NFATC4: variants seen among roughly 807,000 people sequenced by gnomAD.
The protein encoded by NFATC4 is nuclear factor of activated T cells 4, also known as nuclear factor of activated T-cells, cytoplasmic 4.
A neutral mutation model predicts 73.4 loss-of-function variants in NFATC4; 25 were observed. The ratio of observed to expected loss-of-function variants is 0.34; its 90% CI spans 0.25 to 0.48. The LOEUF (loss-of-function observed/expected upper bound fraction) is 0.48, where lower values mean the gene tolerates loss of function less well. NFATC4 is among the 20% of genes least tolerant of loss of function. NFATC4 has a pLI of 0.99. For synonymous variants in NFATC4, 523 were observed against 510.3 expected, an observed-to-expected ratio of 1.02 and a Z score of -0.34; for missense variants, 1,130 against 1,203.7, an observed-to-expected ratio of 0.94 and a Z score of 0.91.
rs1430857355 is a variant in NFATC4 at position 24,369,816 on chromosome 14, G to T, written c.418G>T (p.Asp140Tyr). 4.4e-6 allele frequency: 7 copies of T among 1,599,348 alleles called. No individual in the cohort carries two copies. Among genetic ancestry groups the T allele is most frequent in the Admixed American group, 1.7e-5 (1 of 57,520 alleles). ...GGAGGACAACCCTGATGCCTGGGGG[G>T]ACGGCTCTCCTAGAGATTACCCCCC... The part of the protein sequence containing the change: ...ALEDNPDAWG[D>Y]GSPRDYPPPE... The change falls in exon 2 of 10, where the codon GAC (aspartate) becomes TAC (tyrosine). Residue 140 changes from aspartate to tyrosine, a missense_variant. Asp to Tyr is a radical substitution (Grantham distance 160). Around this residue, in one of 3 missense-constraint regions of NFATC4, gnomAD observed 585 missense variants for 574.3 expected, o/e 1.02. Transcript: ENST00000250373.
In NFATC4 at chr14:24,369,555, C is replaced by T. The variant is rs2042407956; in HGVS notation, c.157C>T (p.Pro53Ser). 2 of 1,610,934 alleles carry T rather than the reference C, an allele frequency of 1.2e-6. No homozygotes were observed. The highest frequency in any genetic ancestry group is 1.7e-6 in the Non-Finnish European group (2 of 1,177,938). ...CCGTCTGGCCTTGGGAGAGCCCCCT[C>T]CCTATGGCGCTGCACCTATCGGTAT... The part of the protein sequence containing the change: ...CCRLALGEPP[P>S]YGAAPIGIPR... Residue 53 changes from proline to serine, a missense_variant, in exon 2 of 10, where the codon CCC becomes TCC. Physicochemically the swap from Pro to Ser is moderately conservative, Grantham distance 74. Coordinates refer to ENST00000250373, the MANE Select transcript of NFATC4 (RefSeq NM_004554.5).
intron 6 of NFATC4, among the ~76,000 whole-genome samples, 178 bp from the exon 7 acceptor site, chr14:24,375,482 T>A (rs971389190): frequency 1.3e-5 from 2 of 152,184 alleles, no homozygotes; most frequent in African/African-American, 4.8e-5. Flanking sequence ...AGGACAGTTT[T>A]AAACCCTACC....
rs1043106392 is a variant in NFATC4 at position 24,369,760 on chromosome 14, T to C, written c.362T>C (p.Ile121Thr). 2.5e-6 allele frequency: 4 copies of C among 1,601,936 alleles called. No individual in the cohort carries two copies. Among genetic ancestry groups the C allele is most frequent in the Admixed American group, 1.7e-5 (1 of 57,814 alleles). Reference sequence around the variant, plus strand: ...TGTCCCAGCATCCGCATCACCTCCATCTCTCCCACGCCGGAGCCGCCAGCA... The same window carrying C: ...TGTCCCAGCATCCGCATCACCTCCACCTCTCCCACGCCGGAGCCGCCAGCA... ...LECPSIRITSISPTPEPPAAL... is the reference protein window; with the variant it reads ...LECPSIRITSTSPTPEPPAAL... The change falls in exon 2 of 10, where the codon ATC (isoleucine) becomes ACC (threonine). Residue 121 changes from isoleucine (I) to threonine (T), a missense_variant. Physicochemically the swap from Ile to Thr is moderately conservative, Grantham distance 89. Transcript: ENST00000250373.
chr14:24,376,721 C>A lies in NFATC4; in HGVS notation c.2484C>A (p.Ser828=), dbSNP rs1439279067. Residue 828 remains serine (S), a synonymous_variant, in exon 9 of 10, where the codon TCC becomes TCA. Transcript: ENST00000250373. The surrounding 1 kb of genome is among the most constrained non-coding windows in gnomAD (Gnocchi z 5.0). ...CACCGCTTGAAGGCCCCTTCCCTTC[C>A]CAGAGTGATGTGCATCCCCTACCTG... ...ASPPLEGPFP[S]QSDVHPLPAE... 1 of 1,613,952 alleles carries A rather than the reference C, an allele frequency of 6.2e-7. No homozygotes were observed. The highest frequency in any genetic ancestry group is 1.1e-5 in the South Asian group (1 of 91,082).
intron 1 of NFATC4, chr14:24,369,101 G>T (rs1404741447): frequency 9.8e-6 from 14 of 1,424,842 alleles, no homozygotes; most frequent in Non-Finnish European, 1.3e-5. Flanking sequence ...ATGGCAACTG[G>T]GGCTCCTGCC....
At chr14:24,374,096 C>G in intron 5 of NFATC4, 2 of 890,182 alleles carry the variant, frequency 2.2e-6, no homozygotes, top group Non-Finnish European at 3.6e-6. Flanking sequence ...GCCCTGTGCC[C>G]TTGTTTGGGA....
At chr14:24,374,998 C>T (rs1204989505) in intron 6 of NFATC4, among the ~76,000 whole-genome samples, 1 of 152,042 alleles carries the variant, frequency 6.6e-6, no homozygotes, top group African/African-American at 2.4e-5. Context: ...ACTTTGTCAC[C>T]CAGGGGAGTG....
chr14:24,367,452 G>A, upstream of NFATC4: 2 of 1,535,688 alleles, frequency 1.3e-6, no homozygotes, highest in African/African-American at 2.7e-5. Flanking sequence ...AAGGGCAGCG[G>A]CAAAGCCTGG....
In NFATC4 at chr14:24,376,662, G is replaced by A. The variant is rs2139312798; in HGVS notation, c.2425G>A (p.Ala809Thr). The A allele has an allele frequency of 6.2e-7, 1 of 1,613,364 alleles. No homozygotes were observed. The highest frequency in any genetic ancestry group is 8.5e-7 in the Non-Finnish European group (1 of 1,179,790). The change falls in exon 9 of 10, where the codon GCC (alanine) becomes ACC (threonine). Residue 809 changes from alanine (A) to threonine (T), a missense_variant. Transcript: ENST00000250373. The surrounding 1 kb of genome is among the most constrained non-coding windows in gnomAD (Gnocchi z 5.0). ...CCTGGGGCTGCCATTCTCTCCGCCA[G>A]CCCCCTTTCGGCCGCCTCCTCTTCC... is the stretch of plus-strand genomic sequence containing the variant. ...FSLGLPFSPP[A>T]PFRPPPLPAS...
intron 3 of NFATC4, 196 bp from the exon 4 acceptor site, chr14:24,372,975 T>A: frequency 1.5e-6 from 1 of 645,592 alleles, no homozygotes; most frequent in East Asian, 2.8e-5. Flanking sequence ...CACTTTGGGC[T>A]TTATTCCAAG....
intron 2 of NFATC4, 200 bp from the exon 3 acceptor site, chr14:24,372,241 G>A (rs2042491605): frequency 1.7e-6 from 1 of 601,364 alleles, no homozygotes; most frequent in African/African-American, 1.9e-5. Context: ...TGGACTTTTG[G>A]ATTTCTTCAT....
In NFATC4 at chr14:24,368,407, G is replaced by GC. The variant is rs778613456; in HGVS notation, c.74dup (p.Leu26AlafsTer111). The GC allele has an allele frequency of 2.2e-5, 30 of 1,349,412 alleles. No homozygotes were observed. The highest frequency in any genetic ancestry group is 8.5e-5 in the South Asian group (4 of 47,314). 83.6% of individuals were successfully genotyped at this position (1,349,412 alleles called of 1,614,324 possible). On this transcript the variant is annotated frameshift_variant, in exon 1 of 10. Coordinates refer to ENST00000250373, the MANE Select transcript of NFATC4 (RefSeq NM_004554.5). LOFTEE classifies it high-confidence loss of function. The stretch of plus-strand genomic sequence containing the variant: ...GCTGGTGTTCGGGGAGGAAAAGGAG[G>GC]CCCCCCCGCTGGGCGCGGGGGGATT...
At chr14:24,367,601 C>G (rs1366726808), upstream of NFATC4, 1 of 1,536,018 alleles carries the variant, frequency 6.5e-7, no homozygotes, top group Non-Finnish European at 8.7e-7. Flanking sequence ...CTGATGGAGG[C>G]GCTGATTCGG....
chr14:24,369,890 G>T lies in NFATC4; in HGVS notation c.492G>T (p.Gly164=), dbSNP rs1489753670. 2 of 1,611,478 alleles carry T rather than the reference G, an allele frequency of 1.2e-6. No homozygotes were observed. The highest frequency in any genetic ancestry group is 1.7e-5 in the Admixed American group (1 of 59,948). Residue 164 remains glycine, a synonymous_variant, in exon 2 of 10, where the codon GGG becomes GGT. Coordinates refer to ENST00000250373, the MANE Select transcript of NFATC4 (RefSeq NM_004554.5). Reference sequence around the variant, plus strand: ...GAGAAGCAGGGGGCCAGGGTGGGGGGGCCTTCTTCAGCCCAAGCCCTGGCA... The same window carrying T: ...GAGAAGCAGGGGGCCAGGGTGGGGGTGCCTTCTTCAGCCCAAGCCCTGGCA... ...GYREAGGQGG[G]AFFSPSPGSS... is the part of the protein sequence containing the mutation.
chr14:24,372,534 G>A lies in NFATC4; in HGVS notation c.1290G>A (p.Arg430=). The A allele has an allele frequency of 6.2e-7, 1 of 1,614,060 alleles. No homozygotes were observed. The highest frequency in any genetic ancestry group is 1.1e-5 in the South Asian group (1 of 91,080). The change falls in exon 3 of 10, where the codon CGG becomes CGA. Residue 430 remains arginine, a synonymous_variant. Transcript: ENST00000250373. The stretch of plus-strand genomic sequence containing the variant: ...AGGTACAGCCTAGAGCCCACCACCG[G>A]GCCCACTATGAGACAGAAGGCAGCC... The part of the protein sequence containing the change: ...RIEVQPRAHH[R]AHYETEGSRG...
upstream of NFATC4, chr14:24,367,919 G>A (rs1221687841): frequency 1.6e-6 from 2 of 1,288,126 alleles, no homozygotes; most frequent in African/African-American, 1.5e-5. Flanking sequence ...GGCTCTCTGC[G>A]GGAAATGATT....
chr14:24,377,323 C>G lies in NFATC4; in HGVS notation c.2642-315C>G, dbSNP rs1330039764. 4 of 1,271,136 alleles carry G rather than the reference C, an allele frequency of 3.1e-6. No homozygotes were observed. The highest frequency in any genetic ancestry group is 4.0e-6 in the Non-Finnish European group (4 of 1,008,400). The allele number at this position is 1,271,136 out of a possible 1,614,324, so 78.7% of individuals were successfully genotyped here. On this transcript the variant is annotated intron_variant, in intron 9 of 9. Transcript: ENST00000250373. The surrounding 1 kb of genome is among the most constrained non-coding windows in gnomAD (Gnocchi z 4.2). ...GTGAGGAGGAGCTTTCCTGTTTTGCCTCTCCTTCTTCCCATTGGCTACACC... is the reference window on the plus strand; with the variant it reads ...GTGAGGAGGAGCTTTCCTGTTTTGCGTCTCCTTCTTCCCATTGGCTACACC...
At position 24,374,400 on chromosome 14, in the gene NFATC4, G is replaced by C; in HGVS notation, c.1807G>C (p.Glu603Gln). The change falls in exon 6 of 10, where the codon GAA becomes CAA. Residue 603 changes from glutamate (E) to glutamine (Q), a missense_variant. Physicochemically the swap from Glu to Gln is conservative, Grantham distance 29. This residue lies in a region of NFATC4 where 390 missense variants were observed against 408.1 expected (regional missense o/e 0.96). Coordinates refer to ENST00000250373, the MANE Select transcript of NFATC4 (RefSeq NM_004554.5). ...PSACSVRGGEELVLTGSNFLP... is the reference protein window; with the variant it reads ...PSACSVRGGEQLVLTGSNFLP... ...TGCCTGCTCTGTGAGAGGAGGCGAG[G>C]AACTGGTACTGACTGGCTCCAACTT... 6.2e-7 allele frequency: 1 copy of C among 1,614,092 alleles called. No homozygotes were observed. Among genetic ancestry groups the C allele is most frequent in the African/African-American group, 1.3e-5 (1 of 75,062 alleles).
At chr14:24,374,777 C>T (rs2042567346) in intron 6 of NFATC4, 3 of 212,304 alleles carry the variant, frequency 1.4e-5, no homozygotes, top group Admixed American at 5.4e-5. Flanking sequence ...AGGTGATTTA[C>T]ACCCTCACAG....
Sources: allele counts gnomAD v4.1 joint callset (sites outside exome capture counted in the v4.1 genomes callset), GRCh38; gene constraint gnomAD v4.1.1; regional missense constraint gnomAD v4.1.1; non-coding constraint Gnocchi (gnomAD v3.1); transcripts MANE v1.5; gene names NCBI Gene and HGNC (gene_info 2026-07-23, HGNC 2026-07-21).